CEP76: variants seen among roughly 807,000 people sequenced by gnomAD.
CEP76 encodes the protein centrosomal protein of 76 kDa.
Under a neutral mutation model 83.3 loss-of-function variants are expected in CEP76, and 55 were observed. The ratio of observed to expected loss-of-function variants is 0.66; its 90% confidence interval spans 0.53 to 0.83. CEP76 has a LOEUF of 0.83. Among genes scored for constraint, CEP76 ranks in the 40% least tolerant of loss-of-function variants. CEP76 has a pLI of 0.00. For missense variants in CEP76, 694 were observed against 799.5 expected (o/e 0.87, Z 1.59); for synonymous variants, 270 against 274.5 (o/e 0.98, Z 0.16).
chr18:12,686,474 T>C (rs1314310560), intron 7 of CEP76, 24 bp from the exon 8 acceptor site: 2 of 1,509,032 alleles, frequency 1.3e-6, no homozygotes, highest in Non-Finnish European at 1.8e-6. Context: ...GAAAAACATC[T>C]GTAATGACAT....
At chr18:12,698,744 T>C (rs2145105715) in intron 4 of CEP76, 1 of 527,238 alleles carries the variant, frequency 1.9e-6, no homozygotes, top group East Asian at 3.1e-5. Context: ...TAAGTGTGTA[T>C]TACTAAAGAA....
rs762372098 is a variant in CEP76 at position 12,700,925 on chromosome 18, T to A, written c.219+33A>T. 35 of 1,523,476 alleles carry A rather than the reference T, an allele frequency of 2.3e-5. No homozygotes were observed. The South Asian group carries it at 3.9e-4, about 17-fold the overall frequency. 94.4% of individuals were successfully genotyped at this position (1,523,476 alleles called of 1,614,324 possible). ...TGTTACGCATTAGTATATACATATA[T>A]ACTCTCATTTATTTCCCTAAAAGAT... On this transcript the variant is annotated intron_variant, in intron 2 of 11. Coordinates refer to ENST00000262127, the MANE Select transcript of CEP76 (RefSeq NM_024899.4).
intron 11 of CEP76, among the ~76,000 whole-genome samples, 194 bp from the exon 12 acceptor site, chr18:12,673,697 T>C (rs1268379385): frequency 6.6e-6 from 1 of 151,872 alleles, no homozygotes; most frequent in African/African-American, 2.4e-5. Flanking sequence ...TTGGCCAACA[T>C]AGTGAAACCC....
downstream of CEP76, among the ~76,000 whole-genome samples, chr18:12,668,956 G>T (rs140231297): frequency 0.026 from 3,844 of 147,696 alleles, 181 homozygotes; most frequent in African/African-American, 0.091. Flanking sequence ...GGCCAGGCTG[G>T]TCTTGAACTC....
At chr18:12,696,268 G>A (rs2039953849) in intron 5 of CEP76, among the ~76,000 whole-genome samples, 1 of 152,116 alleles carries the variant, frequency 6.6e-6, no homozygotes, top group Non-Finnish European at 1.5e-5. Context: ...ACTTTGGGAG[G>A]CCGAGGCGGG....
intron 12 of CEP76, among the ~76,000 whole-genome samples, chr18:12,667,595 T>C (rs1041842813): frequency 1.3e-5 from 2 of 150,528 alleles, no homozygotes; most frequent in East Asian, 2.0e-4. Flanking sequence ...CCCCCGTCTC[T>C]AGTAAAAATA....
chr18:12,665,833 G>A (rs1017871574), intron 12 of CEP76, among the ~76,000 whole-genome samples: 2 of 152,054 alleles, frequency 1.3e-5, no homozygotes, highest in South Asian at 2.1e-4. Flanking sequence ...GAGTAGCTGC[G>A]ATTACAGATC....
chr18:12,697,327 A>G lies in CEP76; in HGVS notation c.602T>C (p.Ile201Thr), dbSNP rs1262213404. ...PIHMVLIKTD[I>T]FGETTLVASY... ...TGCTACTAAAGTCGTCTCACCAAAT[A>G]TGTCTGTTTTGATTAGCACCATATG... Residue 201 changes from isoleucine (I) to threonine (T), a missense_variant, in exon 5 of 12, where the codon ATA (isoleucine) becomes ACA (threonine). Coordinates refer to ENST00000262127, the MANE Select transcript of CEP76 (RefSeq NM_024899.4). 2.7e-5 allele frequency: 43 copies of G among 1,613,852 alleles called. No homozygotes were observed. Among genetic ancestry groups the G allele is most frequent in the Non-Finnish European group, 3.6e-5 (43 of 1,179,794 alleles).
chr18:12,679,582 G>A (rs965493110), intron 9 of CEP76, among the ~76,000 whole-genome samples: 2 of 152,122 alleles, frequency 1.3e-5, no homozygotes, highest in African/African-American at 4.8e-5. Flanking sequence ...GCTCTTAGCT[G>A]AACTAAGGAA....
chr18:12,692,463 G>T (rs1440506108), intron 6 of CEP76, among the ~76,000 whole-genome samples: 4 of 152,060 alleles, frequency 2.6e-5, no homozygotes, highest in Non-Finnish European at 4.4e-5. Context: ...GCCACACAGG[G>T]CTTTCGGTCC....
Position 12,691,436 on chromosome 18 carries a change from A to G in CEP76, c.856T>C (p.Tyr286His). The change falls in exon 7 of 12, where the codon TAT (tyrosine) becomes CAT (histidine). Residue 286 changes from tyrosine (Y) to histidine (H), a missense_variant. By Grantham distance (83) the Tyr-to-His change is moderately conservative. Transcript: ENST00000262127. ...TATTCTCTCCACCACTGCTTAGCAT[A>G]TACAAGAAATAATCGCTCTTTCTCT... The part of the protein sequence containing the change: ...TAEKERLFLV[Y>H]AKQWWREYLQ... 1 of 1,609,310 alleles carries G rather than the reference A, an allele frequency of 6.2e-7. No homozygotes were observed. Among genetic ancestry groups the G allele is most frequent in the Non-Finnish European group, 8.5e-7 (1 of 1,177,392 alleles).
exon 13 of CEP76, chr18:12,662,147 G>A (rs769724145): frequency 2.2e-6 from 1 of 449,436 alleles, no homozygotes; most frequent in African/African-American, 2.0e-5. Context: ...TTCTGGACAA[G>A]TGCTCCTAAG....
At chr18:12,665,404 C>G (rs999900876) in intron 12 of CEP76, among the ~76,000 whole-genome samples, 4 of 152,068 alleles carry the variant, frequency 2.6e-5, no homozygotes, top group African/African-American at 9.7e-5. Context: ...TATACTTGTG[C>G]TTTTCCTTAG....
Position 12,673,234 on chromosome 18 carries a change from T to C in CEP76, c.*131A>G. The C allele has an allele frequency of 7.0e-7, 1 of 1,426,210 alleles. No homozygotes were observed. Among genetic ancestry groups the C allele is most frequent in the Non-Finnish European group, 9.2e-7 (1 of 1,092,040 alleles). 88.3% of individuals were successfully genotyped at this position (1,426,210 alleles called of 1,614,324 possible). On this transcript the variant is annotated 3_prime_UTR_variant, in exon 12 of 12. Coordinates refer to ENST00000262127, the MANE Select transcript of CEP76 (RefSeq NM_024899.4). ...TTTTTTAAACATTACCAGTCAAGTA[T>C]ATACAAAATTGAAGTATGCCATTCA...
At chr18:12,666,293 C>T (rs1308421621) in intron 12 of CEP76, among the ~76,000 whole-genome samples, 1 of 152,116 alleles carries the variant, frequency 6.6e-6, no homozygotes, top group Non-Finnish European at 1.5e-5. Context: ...CACACCCCTG[C>T]ACTCTAGCCT....
intron 3 of CEP76, 95 bp downstream of exon 3, chr18:12,699,735 G>A: frequency 1.5e-6 from 1 of 685,124 alleles, no homozygotes; most frequent in Non-Finnish European, 2.3e-6. Flanking sequence ...ATTTTGGGGG[G>A]AAAAAATGGA....
intron 7 of CEP76, among the ~76,000 whole-genome samples, chr18:12,689,693 T>A (rs2039676378): frequency 6.6e-6 from 1 of 152,062 alleles, no homozygotes; most frequent in Non-Finnish European, 1.5e-5. Flanking sequence ...CCATCCTGAG[T>A]CCTCTCTAGT....
intron 12 of CEP76, chr18:12,663,354 T>C (rs12954079): frequency 0.38 from 57,031 of 152,048 alleles, 10,970 homozygotes; most frequent in Non-Finnish European, 0.43. Context: ...CTCACTGCAA[T>C]CTCCACCTCC....
intron 6 of CEP76, chr18:12,692,429 C>G (rs910357830): frequency 4.6e-5 from 7 of 152,272 alleles, no homozygotes; most frequent in African/African-American, 1.7e-4. Flanking sequence ...ATTTTCTCCT[C>G]TCTCCCCAAC....
Sources: gnomAD v4.1 joint callset for allele counts (sites outside exome capture counted in the v4.1 genomes callset) on GRCh38, gnomAD v4.1.1 for gene constraint, MANE v1.5 for transcripts, NCBI Gene and HGNC (gene_info 2026-07-23, HGNC 2026-07-21) for gene names.